Variants in BRWD1 observed in about 807,000 individuals in gnomAD.
BRWD1 encodes bromodomain and WD repeat domain containing 1.
A neutral mutation model predicts 251.2 loss-of-function variants in BRWD1; 82 were observed. The observed-to-expected ratio is 0.33, with a 90% CI of 0.27 to 0.39. The LOEUF is 0.39. BRWD1 is among the 10% of genes least tolerant of loss of function. The pLI is 1.00. For missense variants in BRWD1, 2,233 were observed against 2,711.6 expected (o/e 0.82, Z 3.92); for synonymous variants, 918 against 902.8 (o/e 1.02, Z -0.30).
At chr21:39,318,007 A>G (rs1331547872), upstream of BRWD1, among the ~76,000 whole-genome samples, 1 of 152,200 alleles carries the variant, frequency 6.6e-6, no homozygotes, top group African/African-American at 2.4e-5. Context: ...CTATGGTGGT[A>G]CCACTGTGCT....
At position 39,298,575 on chromosome 21, in the gene BRWD1, G is replaced by C. The variant is rs923380149; in HGVS notation, c.206C>G (p.Ser69Cys). ...HNRSYEELVL[S>C]NKHVAPDHLL... ...ATGATCAGGAGCCACATGCTTATTG[G>C]ACAAGACCTAGTTGGAGAGCAAGTT... The change falls in exon 5 of 41, where the codon TCC becomes TGC. Residue 69 changes from serine (S) to cysteine (C), a missense_variant. Around this residue, in one of 12 missense-constraint regions of BRWD1, gnomAD observed 101 missense variants for 95.6 expected, o/e 1.06. Transcript: ENST00000342449. The C allele has an allele frequency of 2.5e-6, 4 of 1,589,522 alleles. No individual in the cohort carries two copies. The highest frequency in any genetic ancestry group is 3.4e-6 in the Non-Finnish European group (4 of 1,171,386).
chr21:39,188,492 A>G lies in BRWD1; in HGVS notation c.*7767T>C. 1.0e-6 allele frequency: 1 copy of G among 985,408 alleles called. No individual in the cohort carries two copies. 61.0% of individuals were successfully genotyped at this position (985,408 alleles called of 1,614,324 possible). ...TCAGATACTATCAAGTAACACTATT[A>G]TTCTGTAGCAATGAAACCACCAATG... On this transcript the variant is annotated 3_prime_UTR_variant, in exon 41 of 41. Coordinates refer to ENST00000342449, the MANE Select transcript of BRWD1 (RefSeq NM_033656.4).
At chr21:39,225,246 T>A in intron 27 of BRWD1, 49 bp from the exon 28 acceptor site, 1 of 1,325,764 alleles carries the variant, frequency 7.5e-7, no homozygotes, top group Non-Finnish European at 1.1e-6. Flanking sequence ...TAACATTCAT[T>A]AACATTTTTT....
At chr21:39,309,040 G>A (rs1397790313) in intron 4 of BRWD1, among the ~76,000 whole-genome samples, 1 of 152,080 alleles carries the variant, frequency 6.6e-6, no homozygotes, top group African/African-American at 2.4e-5. Context: ...TGGGCATAGT[G>A]GTGTGCGCCT....
At chr21:39,263,059 C>T (rs755488515) in intron 17 of BRWD1, among the ~76,000 whole-genome samples, 1 of 151,990 alleles carries the variant, frequency 6.6e-6, no homozygotes. Flanking sequence ...CAGCCAAGAT[C>T]GCACCACTGC....
chr21:39,303,897 T>G (rs557358356), intron 4 of BRWD1, among the ~76,000 whole-genome samples: 10 of 151,042 alleles, frequency 6.6e-5, no homozygotes, highest in African/African-American at 2.4e-4. Flanking sequence ...ATCCCAGCAC[T>G]ATGGGATCCT....
rs548842422 is a variant in BRWD1, at chr21:39,313,419, G to C, written c.49+24C>G. On this transcript the variant is annotated intron_variant, in intron 1 of 40. Coordinates refer to ENST00000342449, the MANE Select transcript of BRWD1 (RefSeq NM_033656.4). ...GAAGCAGCCGGGAGCGCCAGGGCGG[G>C]GGTGGCACGGCCTCGCGTCTTACCC... The C allele has an allele frequency of 1.4e-5, 20 of 1,441,848 alleles. No individual in the cohort carries two copies. The East Asian group carries it at 4.7e-4, about 34-fold the overall frequency. The allele number at this position is 1,441,848 out of a possible 1,614,324, so 89.3% of individuals were successfully genotyped here.
chr21:39,256,026 C>T (rs976330124), intron 18 of BRWD1, among the ~76,000 whole-genome samples, 198 bp from the exon 19 acceptor site: 4 of 152,124 alleles, frequency 2.6e-5, no homozygotes, highest in African/African-American at 4.8e-5. Flanking sequence ...CTATGTTGCC[C>T]GGGCTAGTCG....
In BRWD1 at chr21:39,186,170, ATTTTAT is replaced by A. The variant is rs2031220312; in HGVS notation, c.*10083_*10088del. The A allele has an allele frequency of 6.6e-6, 1 of 152,174 alleles. No individual in the cohort carries two copies. Among genetic ancestry groups the A allele is most frequent in the Non-Finnish European group, 1.5e-5 (1 of 68,008 alleles). The allele number at this position is 152,174 out of a possible 1,614,324, so 9.4% of individuals were successfully genotyped here. On this transcript the variant is annotated 3_prime_UTR_variant, in exon 41 of 41. Coordinates refer to ENST00000342449, the MANE Select transcript of BRWD1 (RefSeq NM_033656.4). ...TGACTGTTTTGATCTTAAGCTATAC[ATTTTAT>A]TTTTATCTAACTGATTAAGACCTGC... is the stretch of plus-strand genomic sequence containing the variant.
intron 1 of BRWD1, among the ~76,000 whole-genome samples, chr21:39,320,420 G>A (rs564733116): frequency 5.9e-5 from 9 of 151,996 alleles, no homozygotes; most frequent in Admixed American, 3.9e-4. Flanking sequence ...CTGCAGCCTC[G>A]ATCTTTCAGG....
At chr21:39,302,982 C>A (rs1601499169) in intron 4 of BRWD1, among the ~76,000 whole-genome samples, 2 of 151,984 alleles carry the variant, frequency 1.3e-5, no homozygotes. Flanking sequence ...CTGCTTGAAC[C>A]CAGGAGACAA....
At chr21:39,310,928 A>G (rs117192370) in intron 4 of BRWD1, among the ~76,000 whole-genome samples, 14 of 152,222 alleles carry the variant, frequency 9.2e-5, no homozygotes, top group Non-Finnish European at 2.1e-4. Flanking sequence ...ACCATTAACA[A>G]AAGAATAATT....
chr21:39,288,596 C>G (rs890432289), intron 8 of BRWD1, among the ~76,000 whole-genome samples: 2 of 152,186 alleles, frequency 1.3e-5, no homozygotes, highest in African/African-American at 4.8e-5. Context: ...TGAAAATCCA[C>G]ACGTAACTTC....
Position 39,194,960 on chromosome 21 carries a change from A to C in BRWD1, c.*1299T>G. ...ACTAAATATGTAAACCATTTGAATC[A>C]AGTCCATCTTCAGGCACAAACAAGT... On this transcript the variant is annotated 3_prime_UTR_variant, in exon 41 of 41. Coordinates refer to ENST00000342449, the MANE Select transcript of BRWD1 (RefSeq NM_033656.4). The C allele has an allele frequency of 1.4e-6, 2 of 1,451,310 alleles. No homozygotes were observed. The highest frequency in any genetic ancestry group is 2.5e-5 in the Admixed American group (1 of 39,286). 89.9% of individuals were successfully genotyped at this position (1,451,310 alleles called of 1,614,324 possible). A position where few individuals can be genotyped will look rare whatever the true frequency, so the allele number is the denominator to read the frequency against.
In BRWD1 at chr21:39,185,502, T is replaced by C. The variant is rs923789984; in HGVS notation, c.*10757A>G. On this transcript the variant is annotated 3_prime_UTR_variant, in exon 41 of 41. Transcript: ENST00000342449. Reference sequence around the variant, plus strand: ...GCACCTAAAAGTAATAGCAGTTTATTAGGAATTCTTCCCTTTCTCACCTGT... The same window carrying C: ...GCACCTAAAAGTAATAGCAGTTTATCAGGAATTCTTCCCTTTCTCACCTGT... 2.2e-5 allele frequency: 3 copies of C among 138,522 alleles called. No individual in the cohort carries two copies. Among genetic ancestry groups the C allele is most frequent in the Non-Finnish European group, 4.9e-5 (3 of 60,700 alleles). The allele number at this position is 138,522 out of a possible 1,614,324, so 8.6% of individuals were successfully genotyped here. A position where few individuals can be genotyped will look rare whatever the true frequency, so the allele number is the denominator to read the frequency against.
At chr21:39,281,736 C>T (rs1034474488) in intron 8 of BRWD1, among the ~76,000 whole-genome samples, 3 of 152,008 alleles carry the variant, frequency 2.0e-5, no homozygotes, top group East Asian at 1.9e-4. Context: ...GGAGTGGTGG[C>T]GGATGCCCAT....
At position 39,212,723 on chromosome 21, in the gene BRWD1, G is replaced by A. The variant is rs773758932; in HGVS notation, c.3859-16C>T. The A allele has an allele frequency of 2.5e-5, 39 of 1,539,458 alleles. No homozygotes were observed. Among genetic ancestry groups the A allele is most frequent in the Non-Finnish European group, 3.5e-5 (39 of 1,120,830 alleles). On this transcript the variant is annotated splice_polypyrimidine_tract_variant and intron_variant, in intron 33 of 40. Transcript: ENST00000342449. ...CACTATCATCCTAGGAATAAAATCA[G>A]AGCACCTTAAGTATTTAGAGTCTCA...
At position 39,242,006 on chromosome 21, in the gene BRWD1, A is replaced by G. The variant is rs2034021087; in HGVS notation, c.2482-3433T>C. Among the ~76,000 whole-genome samples the G allele has an allele frequency of 3.3e-5, 5 of 152,210 alleles. No homozygotes were observed. The South Asian group carries it at 8.3e-4, about 25-fold the overall frequency. ...GCTCCAGTCTATTCCCTGAGATACA[A>G]TATTGCAATTAGACCTACTAATAAC... On this transcript the variant is annotated intron_variant, in intron 21 of 40. Transcript: ENST00000342449.
chr21:39,225,116 G>A lies in BRWD1; in HGVS notation c.3290C>T (p.Pro1097Leu). The part of the protein sequence containing the change: ...LSQEPYQPQY[P>L]DSHFQCYIVR... ...AATATAACACTGGAAATGACTATCA[G>A]GATACTGTGGTTGATATGGCTCTTG... The change falls in exon 28 of 41, where the codon CCT becomes CTT. Residue 1097 changes from proline to leucine, a missense_variant. Physicochemically the swap from Pro to Leu is moderately conservative, Grantham distance 98 (BLOSUM62 -3). Coordinates refer to ENST00000342449, the MANE Select transcript of BRWD1 (RefSeq NM_033656.4). 1.2e-6 allele frequency: 2 copies of A among 1,611,346 alleles called. No individual in the cohort carries two copies. Among genetic ancestry groups the A allele is most frequent in the Non-Finnish European group, 1.7e-6 (2 of 1,177,664 alleles).
Sources: allele counts gnomAD v4.1 joint callset (sites outside exome capture counted in the v4.1 genomes callset), GRCh38; gene constraint gnomAD v4.1.1; regional missense constraint gnomAD v4.1.1; transcripts MANE v1.5; gene names NCBI Gene and HGNC (gene_info 2026-07-23, HGNC 2026-07-21).